Variants in SMAD3 observed in about 807,000 individuals in gnomAD.
The protein encoded by SMAD3 is SMAD family member 3.
SMAD3 carries 12 observed loss-of-function variants against 51.8 expected under a neutral mutation model. The ratio of observed to expected loss-of-function variants is 0.23; its 90% CI spans 0.15 to 0.38. The LOEUF (loss-of-function observed/expected upper bound fraction) is 0.38, where lower values mean the gene tolerates loss of function less well. Among genes scored for constraint, SMAD3 ranks in the 10% least tolerant of loss-of-function variants. SMAD3 has a pLI of 1.00. For synonymous variants in SMAD3, 238 were observed against 227.7 expected, an observed-to-expected ratio of 1.05 and a Z score of -0.41; for missense variants, 294 against 565.6, an observed-to-expected ratio of 0.52 and a Z score of 4.87.
intron 1 of SMAD3, among the ~76,000 whole-genome samples, chr15:67,114,579 C>T (rs1961095439): frequency 6.6e-6 from 1 of 152,154 alleles, no homozygotes. Flanking sequence ...CATTACTTCG[C>T]AGTTGACAGA....
intron 6 of SMAD3, among the ~76,000 whole-genome samples, chr15:67,183,230 T>C (rs1963134524): frequency 6.6e-6 from 1 of 150,888 alleles, no homozygotes; most frequent in South Asian, 2.1e-4. Context: ...TTTTAGTAGA[T>C]ATGGGGATTC....
chr15:67,170,322 A>G (rs1203814876), intron 4 of SMAD3, among the ~76,000 whole-genome samples: 1 of 152,200 alleles, frequency 6.6e-6, no homozygotes, highest in African/African-American at 2.4e-5. Flanking sequence ...TCATAATCAT[A>G]AGAGACCTCT....
At position 67,120,243 on chromosome 15, in the gene SMAD3, A is replaced by T. The variant is rs575696722; in HGVS notation, c.207-44652A>T. On this transcript the variant is annotated intron_variant, in intron 1 of 8. Transcript: ENST00000327367. The stretch of plus-strand genomic sequence containing the variant: ...ATGGGAAAAAGAGGAACAGTGTGGG[A>T]CAGACTTTGCCCTGGGCTGCTTAAC... 3.0e-4 allele frequency among the ~76,000 whole-genome samples: 45 copies of T among 152,308 alleles called. No homozygotes were observed. In the East Asian group the frequency reaches 7.5e-3, roughly 25 times the overall value.
chr15:67,141,408 A>G (rs1476444207), intron 1 of SMAD3, among the ~76,000 whole-genome samples: 10 of 152,134 alleles, frequency 6.6e-5, no homozygotes, highest in African/African-American at 2.4e-4. Flanking sequence ...ATGCAGTGGG[A>G]GGAACTTCAG....
Position 67,190,202 on chromosome 15 carries a change from C to T in SMAD3, c.1155-211C>T, listed in dbSNP as rs56264428. On this transcript the variant is annotated intron_variant, in intron 8 of 8. Transcript: ENST00000327367. ...CTCTTTAAAGTCGACTTCCTTCCCC[C>T]TCAAGAGAACTTAATTTACTCAAAG... is the stretch of plus-strand genomic sequence containing the variant. 4.8e-3 allele frequency among the ~76,000 whole-genome samples: 726 copies of T among 152,276 alleles called. 5 individuals carry two copies. The highest frequency in any genetic ancestry group is 7.6e-3 in the Non-Finnish European group (518 of 68,010).
chr15:67,083,807 T>C (rs1461853165), intron 1 of SMAD3, among the ~76,000 whole-genome samples: 4 of 152,196 alleles, frequency 2.6e-5, no homozygotes, highest in East Asian at 1.9e-4. Context: ...TGTTCATGAT[T>C]ACTGGAGCCC....
intron 7 of SMAD3, chr15:67,187,122 C>T: frequency 3.0e-6 from 2 of 663,928 alleles, no homozygotes; most frequent in Non-Finnish European, 5.5e-6. Context: ...CTTCCATCTC[C>T]CCTTGCAGGT....
chr15:67,170,589 G>A lies in SMAD3; in HGVS notation c.643G>A (p.Ala215Thr), dbSNP rs1962721856. Residue 215 changes from alanine (A) to threonine (T), a missense_variant, in exon 5 of 9, where the codon GCA (alanine) becomes ACA (threonine). Physicochemically the swap from Ala to Thr is moderately conservative, Grantham distance 58. Around this residue, in one of 3 missense-constraint regions of SMAD3, gnomAD observed 29 missense variants for 26.7 expected, o/e 1.09. Transcript: ENST00000327367. ...CCTATCCCCGAATCCGATGTCCCCA[G>A]CACATAATAACTTGGGTGAGTATCT... ...PNLSPNPMSP[A>T]HNNLDLQPVT... 17 of 1,613,816 alleles carry A rather than the reference G, an allele frequency of 1.1e-5. No homozygotes were observed. Among genetic ancestry groups the A allele is most frequent in the Non-Finnish European group, 1.4e-5 (17 of 1,179,850 alleles).
intron 3 of SMAD3, 135 bp downstream of exon 3, chr15:67,165,519 G>GGGCC: frequency 1.8e-6 from 2 of 1,090,514 alleles, no homozygotes; most frequent in Middle Eastern, 2.3e-4. Flanking sequence ...TCTGGCCTGA[G>GGGCC]GGCCCCTGAC....
chr15:67,160,770 CAAAAAAAAAAAAAAAAAAAAAAAAAAAA>C lies in SMAD3; in HGVS notation c.207-4110_207-4083del, dbSNP rs547354315. 3.6e-4 allele frequency among the ~76,000 whole-genome samples: 22 copies of C among 61,038 alleles called. No homozygotes were observed. The Admixed American group carries it at 4.9e-3, about 14-fold the overall frequency. 40.0% of individuals were successfully genotyped at this position (61,038 alleles called of 152,430 possible). On this transcript the variant is annotated intron_variant, in intron 1 of 8. Coordinates refer to ENST00000327367, the MANE Select transcript of SMAD3 (RefSeq NM_005902.4). Reference sequence around the variant, plus strand: ...TGGGCGACAGAGCGAGACTCCATCTCAAAAAAAAAAAAAAAAAAAAAAAAAAAAAAAAAAAAAAAAAAGAAGATTGAAT... The same window carrying C: ...TGGGCGACAGAGCGAGACTCCATCTCAAAAAAAAAAAAAAGAAGATTGAAT...
intron 5 of SMAD3, among the ~76,000 whole-genome samples, chr15:67,178,788 G>A (rs945519945): frequency 2.0e-5 from 3 of 152,118 alleles, no homozygotes; most frequent in Non-Finnish European, 4.4e-5. Context: ...AGAGCCAGAC[G>A]TGGCTGACGT....
chr15:67,162,149 G>A (rs1428696144), intron 1 of SMAD3, among the ~76,000 whole-genome samples: 2 of 152,160 alleles, frequency 1.3e-5, no homozygotes, highest in Non-Finnish European at 1.5e-5. Context: ...GGCTTGGAGA[G>A]TGTGATTGGA....
intron 1 of SMAD3, among the ~76,000 whole-genome samples, chr15:67,129,076 A>G (rs1961459902): frequency 6.6e-6 from 1 of 152,064 alleles, no homozygotes; most frequent in Admixed American, 6.5e-5. Flanking sequence ...GCTGACTCCA[A>G]TCCTAGATGC....
intron 1 of SMAD3, chr15:67,137,998 C>T (rs1000740266): frequency 4.6e-6 from 7 of 1,522,436 alleles, no homozygotes; most frequent in African/African-American, 2.8e-5. Context: ...CCCTCCCTCC[C>T]GTCCCTGTGA....
rs143165287 is a variant in SMAD3 at position 67,101,543 on chromosome 15, G to A, written c.206+35183G>A. On this transcript the variant is annotated intron_variant, in intron 1 of 8. Transcript: ENST00000327367. ...TGGTCGGTGCCAGTATAGCAATGAT[G>A]ATGACAGTGATGATGATGCCACTGG... Among the ~76,000 whole-genome samples, 112 of 152,268 alleles carry A rather than the reference G, an allele frequency of 7.4e-4. 1 individual carries two copies. Among genetic ancestry groups the A allele is most frequent in the African/African-American group, 2.5e-3 (105 of 41,548 alleles).
Position 67,093,952 on chromosome 15 carries a change from C to T in SMAD3, c.206+27592C>T, listed in dbSNP as rs773659549. ...GTTGATGGCTGAGGAAGCCAAGGCT[C>T]TGAGAAGGCACATGGTTTACCCGAG... On this transcript the variant is annotated intron_variant, in intron 1 of 8. Transcript: ENST00000327367. 6.8e-4 allele frequency among the ~76,000 whole-genome samples: 103 copies of T among 152,340 alleles called. No individual in the cohort carries two copies. The Middle Eastern group carries it at 0.017, about 25-fold the overall frequency.
rs1963347775 is a variant in SMAD3, at chr15:67,190,982, C to G, written c.*446C>G. The stretch of plus-strand genomic sequence containing the variant: ...CCGCAGGGCCATGCAGACCTCATGC[C>G]CAGCTCTCTGACGCTTGTGACAGTG... On this transcript the variant is annotated 3_prime_UTR_variant, in exon 9 of 9. Transcript: ENST00000327367. 2.0e-5 allele frequency: 5 copies of G among 250,886 alleles called. No homozygotes were observed. The highest frequency in any genetic ancestry group is 3.9e-5 in the Non-Finnish European group (5 of 128,144). 15.5% of individuals were successfully genotyped at this position (250,886 alleles called of 1,614,324 possible).
intron 1 of SMAD3, among the ~76,000 whole-genome samples, chr15:67,128,869 T>C (rs1172843538): frequency 6.6e-6 from 1 of 152,160 alleles, no homozygotes; most frequent in Non-Finnish European, 1.5e-5. Context: ...GCCACCACGC[T>C]CAGCCTTCTA....
intron 8 of SMAD3, among the ~76,000 whole-genome samples, 161 bp from the exon 9 acceptor site, chr15:67,190,252 C>T (rs1165595049): frequency 6.6e-6 from 1 of 152,148 alleles, no homozygotes; most frequent in Non-Finnish European, 1.5e-5. Flanking sequence ...AGGAGTTTGG[C>T]CGGGTAGTTT....
Sources: allele counts gnomAD v4.1 joint callset (sites outside exome capture counted in the v4.1 genomes callset), GRCh38; gene constraint gnomAD v4.1.1; regional missense constraint gnomAD v4.1.1; transcripts MANE v1.5; gene names NCBI Gene and HGNC (gene_info 2026-07-23, HGNC 2026-07-21).